SETD2: variants seen among roughly 807,000 people sequenced by gnomAD.
SETD2 encodes SET domain containing 2, histone lysine methyltransferase, also known as histone-lysine N-methyltransferase SETD2.
In SETD2, 31 loss-of-function variants were observed where a neutral mutation model predicts 242.1. The observed-to-expected ratio is 0.13, with a 90% CI of 0.10 to 0.17. The LOEUF (loss-of-function observed/expected upper bound fraction) is 0.17. SETD2 is among the 10% of genes least tolerant of loss of function. The pLI, the probability that SETD2 is intolerant of heterozygous loss-of-function variation, is 1.00. For synonymous variants in SETD2, 1,006 were observed against 1,066.5 expected, an observed-to-expected ratio of 0.94 and a Z score of 1.11; for missense variants, 2,481 against 3,046.3, an observed-to-expected ratio of 0.81 and a Z score of 4.37.
intron 18 of SETD2, among the ~76,000 whole-genome samples, chr3:47,021,777 GTC>G (rs1218201385): frequency 6.6e-6 from 1 of 152,204 alleles, no homozygotes; most frequent in African/African-American, 2.4e-5. Context: ...AGTAACCAGA[GTC>G]TGAGTTGAGG....
intron 12 of SETD2, among the ~76,000 whole-genome samples, chr3:47,075,682 G>C (rs2041042475): frequency 6.6e-6 from 1 of 151,932 alleles, no homozygotes. Context: ...AGAAAAGTGA[G>C]TGGAAGAAGG....
chr3:47,114,549 T>A (rs2042780060), intron 4 of SETD2, among the ~76,000 whole-genome samples: 1 of 152,090 alleles, frequency 6.6e-6, no homozygotes, highest in African/African-American at 2.4e-5. Flanking sequence ...CTTCTTAATA[T>A]GTGATAGATA....
chr3:47,133,104 A>T (rs1057032256), intron 1 of SETD2, among the ~76,000 whole-genome samples: 4 of 152,248 alleles, frequency 2.6e-5, no homozygotes, highest in Non-Finnish European at 5.9e-5. Flanking sequence ...AAAAGTAATG[A>T]TGTATACATA....
chr3:47,051,824 G>T lies in SETD2; in HGVS notation c.6963+4997C>A, dbSNP rs567842215. ...TACAATAGAAAACTGCTAATATTTT[G>T]GAAGACAAAATTTCTTTGGCCATCA... On this transcript the variant is annotated intron_variant, in intron 15 of 20. Transcript: ENST00000409792. Among the ~76,000 whole-genome samples, 596 of 152,042 alleles carry T rather than the reference G, an allele frequency of 3.9e-3. 1 individual carries two copies. Among genetic ancestry groups the T allele is most frequent in the Admixed American group, 6.3e-3 (96 of 15,272 alleles).
chr3:47,116,083 G>A (rs894022729), intron 4 of SETD2, among the ~76,000 whole-genome samples: 1 of 152,162 alleles, frequency 6.6e-6, no homozygotes, highest in African/African-American at 2.4e-5. Flanking sequence ...AGGCAGGTCT[G>A]TACACAGAGC....
At chr3:47,106,160 G>A (rs750882645) in intron 5 of SETD2, 40 bp from the exon 6 acceptor site, 1 of 1,583,256 alleles carries the variant, frequency 6.3e-7, no homozygotes. Context: ...TCCTACCTAG[G>A]AGCAGTAGGG....
Position 47,120,508 on chromosome 3 carries a change from G to A in SETD2, c.4128C>T (p.Ser1376=), listed in dbSNP as rs2107742354. The A allele has an allele frequency of 1.9e-6, 3 of 1,613,850 alleles. No homozygotes were observed. The highest frequency in any genetic ancestry group is 1.3e-5 in the African/African-American group (1 of 74,956). The part of the protein sequence containing the change: ...SVQAPEISSN[S]IKDTLAVNEK... ...CATTCACAGCTAAAGTGTCCTTAATGGAATTGCTGCTTATTTCAGGTGCTT... is the reference window on the plus strand; with the variant it reads ...CATTCACAGCTAAAGTGTCCTTAATAGAATTGCTGCTTATTTCAGGTGCTT... Residue 1376 remains serine, a synonymous_variant, in exon 3 of 21, where the codon TCC becomes TCT. Coordinates refer to ENST00000409792, the MANE Select transcript of SETD2 (RefSeq NM_014159.7).
chr3:47,157,024 T>C (rs1195110593), intron 1 of SETD2, among the ~76,000 whole-genome samples: 1 of 151,428 alleles, frequency 6.6e-6, no homozygotes, highest in Non-Finnish European at 1.5e-5. Context: ...TCCCAGCACT[T>C]TTGGGAAGCC....
At chr3:47,136,119 C>G (rs2043584904) in intron 1 of SETD2, among the ~76,000 whole-genome samples, 1 of 152,112 alleles carries the variant, frequency 6.6e-6, no homozygotes, top group Non-Finnish European at 1.5e-5. Context: ...TCCCATATAC[C>G]TAATTCAGTC....
In SETD2 at chr3:47,124,070, G is replaced by A. The variant is rs1192272615; in HGVS notation, c.566C>T (p.Ser189Phe). 1.1e-5 allele frequency: 17 copies of A among 1,551,908 alleles called. No individual in the cohort carries two copies. In the East Asian group the frequency reaches 4.2e-4, roughly 38 times the overall value. ...ESTTVDSPPS[S>F]PPPPPPPAQA... ...GGCAGGTGGAGGCGGTGGAGGCGGA[G>A]ATGAGGGCGGTGAGTCTACAGTTGT... The change falls in exon 3 of 21, where the codon TCT (serine) becomes TTT (phenylalanine). Residue 189 changes from serine to phenylalanine, a missense_variant. Transcript: ENST00000409792.
In SETD2 at chr3:47,120,935, T is replaced by C. The variant is rs2043055045; in HGVS notation, c.3701A>G (p.Glu1234Gly). The change falls in exon 3 of 21, where the codon GAA (glutamate) becomes GGA (glycine). Residue 1234 changes from glutamate to glycine, a missense_variant. By Grantham distance (98) the Glu-to-Gly change is moderately conservative. Coordinates refer to ENST00000409792, the MANE Select transcript of SETD2 (RefSeq NM_014159.7). Reference protein sequence around the residue: ...NRPDSRLGKTELSFSSSCEIP... With the variant: ...NRPDSRLGKTGLSFSSSCEIP... Reference sequence around the variant, plus strand: ...CTCACAAGAGGAAGAAAAACTCAATTCTGTTTTTCCCAGTCTACTATCTGG... The same window carrying C: ...CTCACAAGAGGAAGAAAAACTCAATCCTGTTTTTCCCAGTCTACTATCTGG... The C allele has an allele frequency of 1.8e-5, 29 of 1,614,190 alleles. No homozygotes were observed. Among genetic ancestry groups the C allele is most frequent in the Non-Finnish European group, 2.4e-5 (28 of 1,180,020 alleles).
intron 1 of SETD2, among the ~76,000 whole-genome samples, chr3:47,134,693 G>C (rs1268287786): frequency 6.6e-6 from 1 of 151,692 alleles, no homozygotes; most frequent in East Asian, 1.9e-4. Context: ...GCAATGGCAC[G>C]ATCTTGGCTC....
At chr3:47,026,938 C>T (rs1215563015) in intron 18 of SETD2, among the ~76,000 whole-genome samples, 2 of 151,376 alleles carry the variant, frequency 1.3e-5, no homozygotes, top group African/African-American at 2.4e-5. Context: ...ACATGTACCC[C>T]AGAACTTAAA....
chr3:47,122,485 T>G lies in SETD2; in HGVS notation c.2151A>C (p.Ser717=), dbSNP rs758155750. The change falls in exon 3 of 21, where the codon TCA becomes TCC. Residue 717 remains serine, a synonymous_variant. Coordinates refer to ENST00000409792, the MANE Select transcript of SETD2 (RefSeq NM_014159.7). ...TACTAATATTCTGAAATCCATTTGA[T>G]GAAAGCATGCATGCTTTGACCAAAG... ...LSPLVKACML[S]SNGFQNISRC... The G allele has an allele frequency of 6.2e-7, 1 of 1,614,202 alleles. No homozygotes were observed. Among genetic ancestry groups the G allele is most frequent in the Non-Finnish European group, 8.5e-7 (1 of 1,180,012 alleles).
intron 1 of SETD2, among the ~76,000 whole-genome samples, chr3:47,162,287 T>G (rs1697512286): frequency 6.6e-6 from 1 of 151,956 alleles, no homozygotes; most frequent in Non-Finnish European, 1.5e-5. Context: ...ATATAAAATT[T>G]TTTTTGAGGT....
intron 12 of SETD2, among the ~76,000 whole-genome samples, chr3:47,069,955 G>A (rs997387016): frequency 1.3e-5 from 2 of 152,112 alleles, no homozygotes; most frequent in Non-Finnish European, 2.9e-5. Context: ...ATTTGCATTA[G>A]GTACTCTGTA....
At position 47,086,175 on chromosome 3, in the gene SETD2, CA is replaced by C; in HGVS notation, c.5397+19del. On this transcript the variant is annotated intron_variant, in intron 11 of 20. Transcript: ENST00000409792. ...CAATATAACAGTTTTAAGAAACAAG[CA>C]AGCTAAATGTGAACTGACCTCTTCC... 1 of 1,610,432 alleles carries C rather than the reference CA, an allele frequency of 6.2e-7. No homozygotes were observed.
At chr3:47,125,363 C>A (rs1306774091) in intron 2 of SETD2, among the ~76,000 whole-genome samples, 1 of 151,648 alleles carries the variant, frequency 6.6e-6, no homozygotes, top group Non-Finnish European at 1.5e-5. Flanking sequence ...ACATACTCAT[C>A]TGTGATCCAC....
intron 12 of SETD2, among the ~76,000 whole-genome samples, chr3:47,076,228 G>T (rs1313823805): frequency 6.6e-6 from 1 of 152,210 alleles, no homozygotes. Context: ...TTTCAGGAAT[G>T]AATGTATGTG....
Sources: allele counts gnomAD v4.1 joint callset (sites outside exome capture counted in the v4.1 genomes callset), GRCh38; gene constraint gnomAD v4.1.1; transcripts MANE v1.5; gene names NCBI Gene and HGNC (gene_info 2026-07-23, HGNC 2026-07-21).